Variants in NIPSNAP2 observed in about 807,000 individuals in gnomAD.
NIPSNAP2 encodes the protein nipsnap homolog 2.
NIPSNAP2 carries 42 observed loss-of-function variants against 48.4 expected under a neutral mutation model. The observed-to-expected ratio is 0.87, with a 90% CI of 0.68 to 1.12. The LOEUF (loss-of-function observed/expected upper bound fraction) is 1.12. NIPSNAP2 is among the 50% of genes most tolerant of loss of function. NIPSNAP2 has a pLI of 0.00. For synonymous variants in NIPSNAP2, 158 were observed against 126.6 expected (o/e 1.25, Z -1.67); for missense variants, 314 against 347.3 (o/e 0.90, Z 0.76).
intron 7 of NIPSNAP2, among the ~76,000 whole-genome samples, chr7:55,985,900 T>A (rs1242431454): frequency 6.6e-6 from 1 of 151,682 alleles, no homozygotes; most frequent in Non-Finnish European, 1.5e-5. Flanking sequence ...ATATAAAGAT[T>A]AGCCGAGCGT....
chr7:55,993,920 T>G (rs960155423), intron 7 of NIPSNAP2, among the ~76,000 whole-genome samples: 33 of 141,786 alleles, frequency 2.3e-4, no homozygotes, highest in African/African-American at 8.1e-4. Context: ...TTTGCTCTAG[T>G]AGGAAAGAAA....
chr7:55,994,034 TC>T (rs978805344), intron 7 of NIPSNAP2, among the ~76,000 whole-genome samples: 4 of 151,938 alleles, frequency 2.6e-5, no homozygotes, highest in Non-Finnish European at 5.9e-5. Context: ...AGTTGCAGAG[TC>T]CCTTGTGTAG....
At position 55,984,887 on chromosome 7, in the gene NIPSNAP2, A is replaced by G; in HGVS notation, c.617+9A>G. The G allele has an allele frequency of 6.2e-7, 1 of 1,603,324 alleles. No individual in the cohort carries two copies. Among genetic ancestry groups the G allele is most frequent in the Non-Finnish European group, 8.5e-7 (1 of 1,173,232 alleles). On this transcript the variant is annotated intron_variant, in intron 7 of 9. Coordinates refer to ENST00000322090, the MANE Select transcript of NIPSNAP2 (RefSeq NM_001483.3). The stretch of plus-strand genomic sequence containing the variant: ...GAATGGGGCAATTACTGGTGAGTAT[A>G]TTACTGAATGGTGATTTTTTAAGTC...
chr7:55,971,402 A>G (rs1217658051), intron 1 of NIPSNAP2, among the ~76,000 whole-genome samples: 1 of 152,100 alleles, frequency 6.6e-6, no homozygotes, highest in Non-Finnish European at 1.5e-5. Flanking sequence ...TTTTTCGATT[A>G]CTAGCATTGT....
intron 8 of NIPSNAP2, among the ~76,000 whole-genome samples, chr7:55,997,160 A>C (rs77581443): frequency 7.7e-6 from 1 of 129,240 alleles, no homozygotes; most frequent in Non-Finnish European, 1.8e-5. Context: ...TTGTCTCAGA[A>C]AAAAAAAAAA....
At chr7:55,978,053 CTG>C (rs1421149062) in intron 1 of NIPSNAP2, 71 bp from the exon 2 acceptor site, 38 of 1,546,390 alleles carry the variant, frequency 2.5e-5, no homozygotes, top group Non-Finnish European at 3.0e-5. Flanking sequence ...TAGCTGCTCA[CTG>C]TGTTTGCCAG....
rs11391060 is a variant in NIPSNAP2 at position 55,974,847 on chromosome 7, TA to T, written c.93-3259del. Among the ~76,000 whole-genome samples, 136 of 112,242 alleles carry T rather than the reference TA, an allele frequency of 1.2e-3. 2 individuals carry two copies. The highest frequency in any genetic ancestry group is 2.5e-3 in the African/African-American group (69 of 27,356). 73.6% of individuals were successfully genotyped at this position (112,242 alleles called of 152,430 possible). On this transcript the variant is annotated intron_variant, in intron 1 of 9. Transcript: ENST00000322090. ...TGGGCAACAGAGCGCGACTCTGTCT[TA>T]AAAAAAAAAAAAAAAAAAAGAAATA...
In NIPSNAP2 at chr7:55,998,997, C is replaced by G; in HGVS notation, c.797-11C>G. The G allele has an allele frequency of 1.2e-6, 2 of 1,612,520 alleles. No individual in the cohort carries two copies. The highest frequency in any genetic ancestry group is 1.7e-6 in the Non-Finnish European group (2 of 1,178,638). ...AAGTAACAAGTGCAGTAACCCTGAT[C>G]TTGTTTTCAGTTCCACTTATTCAGG... is the stretch of plus-strand genomic sequence containing the variant. On this transcript the variant is annotated splice_polypyrimidine_tract_variant and intron_variant, in intron 9 of 9. Coordinates refer to ENST00000322090, the MANE Select transcript of NIPSNAP2 (RefSeq NM_001483.3).
At chr7:55,991,064 T>C (rs1202744792) in intron 7 of NIPSNAP2, among the ~76,000 whole-genome samples, 1 of 152,156 alleles carries the variant, frequency 6.6e-6, no homozygotes, top group Non-Finnish European at 1.5e-5. Context: ...GTGCTGGGAT[T>C]ACAGGTGTGA....
intron 7 of NIPSNAP2, among the ~76,000 whole-genome samples, chr7:55,993,575 T>TAAAA (rs11317055): frequency 8.3e-6 from 1 of 121,016 alleles, no homozygotes; most frequent in Admixed American, 8.7e-5. Context: ...AGACTCCATC[T>TAAAA]AAAAAAAAAA....
chr7:55,968,628 G>T (rs1050869595), intron 1 of NIPSNAP2, among the ~76,000 whole-genome samples: 1 of 152,098 alleles, frequency 6.6e-6, no homozygotes, highest in Non-Finnish European at 1.5e-5. Flanking sequence ...CTCGTGATCT[G>T]CCCGCCTTGG....
chr7:55,982,413 C>T, intron 5 of NIPSNAP2, 133 bp downstream of exon 5: 1 of 612,670 alleles, frequency 1.6e-6, no homozygotes, highest in South Asian at 2.0e-5. Flanking sequence ...TGTTTGGACT[C>T]CTGAAGTTGT....
intron 1 of NIPSNAP2, among the ~76,000 whole-genome samples, chr7:55,969,580 C>T (rs373378999): frequency 6.6e-6 from 1 of 152,176 alleles, no homozygotes; most frequent in Non-Finnish European, 1.5e-5. Flanking sequence ...GAGTTGTGAT[C>T]GTGTTTGTCT....
At chr7:55,983,923 A>G in intron 6 of NIPSNAP2, 55 bp downstream of exon 6, 1 of 1,538,880 alleles carries the variant, frequency 6.5e-7, no homozygotes, top group Non-Finnish European at 8.9e-7. Flanking sequence ...AAGCACAAGC[A>G]TTTTGTAAGG....
intron 7 of NIPSNAP2, among the ~76,000 whole-genome samples, chr7:55,987,614 G>A (rs542078170): frequency 3.3e-5 from 5 of 152,202 alleles, no homozygotes; most frequent in Admixed American, 2.0e-4. Context: ...GCAACAGAGC[G>A]AGACTTCATC....
chr7:55,988,957 T>G (rs1481936862), intron 7 of NIPSNAP2, among the ~76,000 whole-genome samples: 1 of 152,206 alleles, frequency 6.6e-6, no homozygotes, highest in Non-Finnish European at 1.5e-5. Context: ...CTTATATATA[T>G]GTGTATAAGT....
intron 8 of NIPSNAP2, among the ~76,000 whole-genome samples, chr7:55,996,540 C>T (rs1208775741): frequency 6.6e-6 from 1 of 152,182 alleles, no homozygotes; most frequent in Non-Finnish European, 1.5e-5. Flanking sequence ...TCGCCTGCCT[C>T]ATATCCTGGG....
At chr7:55,982,954 C>T (rs902221043) in intron 5 of NIPSNAP2, among the ~76,000 whole-genome samples, 1 of 151,836 alleles carries the variant, frequency 6.6e-6, no homozygotes, top group South Asian at 2.1e-4. Flanking sequence ...AAAACCTCAT[C>T]TCTACTAAAA....
intron 8 of NIPSNAP2, 39 bp downstream of exon 8, chr7:55,995,027 A>T: frequency 6.6e-7 from 1 of 1,521,482 alleles, no homozygotes. Flanking sequence ...GGGATTTAAG[A>T]GTTCATTACT....
Sources: gnomAD v4.1 joint callset for allele counts (sites outside exome capture counted in the v4.1 genomes callset) on GRCh38, gnomAD v4.1.1 for gene constraint, MANE v1.5 for transcripts, NCBI Gene and HGNC (gene_info 2026-07-23, HGNC 2026-07-21) for gene names.